Variants in PDGFC observed in about 807,000 individuals in gnomAD.
PDGFC encodes platelet-derived growth factor C.
A neutral mutation model predicts 35.5 loss-of-function variants in PDGFC; 12 were observed. The observed-to-expected ratio is 0.34, with a 90% confidence interval of 0.22 to 0.55. The LOEUF (loss-of-function observed/expected upper bound fraction) is 0.55, where lower values mean the gene tolerates loss of function less well. Among genes scored for constraint, PDGFC ranks in the 20% least tolerant of loss-of-function variants. The pLI is 0.91. For synonymous variants in PDGFC, 159 were observed against 148.8 expected (o/e 1.07, Z -0.50); for missense variants, 322 against 412.4 (o/e 0.78, Z 1.90).
chr4:156,955,682 C>T (rs1318062671), intron 1 of PDGFC, among the ~76,000 whole-genome samples: 2 of 151,896 alleles, frequency 1.3e-5, no homozygotes, highest in African/African-American at 4.8e-5. Context: ...AAAAGACACA[C>T]CCTTATTATT....
intron 3 of PDGFC, among the ~76,000 whole-genome samples, chr4:156,805,431 G>A (rs754724976): frequency 1.9e-4 from 29 of 151,884 alleles, no homozygotes; most frequent in Non-Finnish European, 3.7e-4. Context: ...TCAAATAAAT[G>A]TCGACTTATT....
At chr4:156,824,305 TATATATATATATATATATATATACACAC>T (rs1182877266) in intron 2 of PDGFC, among the ~76,000 whole-genome samples, 3 of 38,968 alleles carry the variant, frequency 7.7e-5, no homozygotes, top group African/African-American at 3.0e-4. Context: ...TATATATATA[TATATATATATATATATATATATACACAC>T]ACACACACAC....
chr4:156,827,649 C>T (rs1182898422), intron 2 of PDGFC, among the ~76,000 whole-genome samples: 1 of 151,738 alleles, frequency 6.6e-6, no homozygotes, highest in African/African-American at 2.4e-5. Flanking sequence ...AACAAAATCA[C>T]ATTTAGTTAG....
At chr4:156,912,534 T>C (rs1017156995) in intron 1 of PDGFC, among the ~76,000 whole-genome samples, 2 of 152,102 alleles carry the variant, frequency 1.3e-5, no homozygotes, top group African/African-American at 4.8e-5. Context: ...TTCTTTCTAG[T>C]AGACAACAAA....
chr4:156,901,563 G>A (rs568090083), intron 1 of PDGFC, among the ~76,000 whole-genome samples: 2 of 152,064 alleles, frequency 1.3e-5, no homozygotes, highest in African/African-American at 4.8e-5. Context: ...TAGCGAGAGA[G>A]AGAGAGCAGG....
intron 1 of PDGFC, among the ~76,000 whole-genome samples, chr4:156,924,484 G>A (rs757796750): frequency 6.6e-6 from 1 of 152,204 alleles, no homozygotes; most frequent in Non-Finnish European, 1.5e-5. Flanking sequence ...GAGCCATGCA[G>A]AGAATTAAAA....
intron 1 of PDGFC, among the ~76,000 whole-genome samples, chr4:156,877,419 C>G (rs1369496423): frequency 2.6e-5 from 4 of 151,882 alleles, no homozygotes; most frequent in Admixed American, 2.6e-4. Context: ...TTCAAATGAC[C>G]ATAACTAAAT....
At chr4:156,906,300 A>G (rs767410316) in intron 1 of PDGFC, among the ~76,000 whole-genome samples, 35 of 152,100 alleles carry the variant, frequency 2.3e-4, no homozygotes, top group Non-Finnish European at 4.1e-4. Context: ...TTCCATTTCA[A>G]TTATATCCAT....
intron 1 of PDGFC, among the ~76,000 whole-genome samples, chr4:156,850,918 A>G (rs1471275774): frequency 6.6e-6 from 1 of 152,198 alleles, no homozygotes; most frequent in African/African-American, 2.4e-5. Context: ...AGATATTTGA[A>G]GAAAGTGAAA....
chr4:156,826,311 G>GC (rs1034427201), intron 2 of PDGFC, among the ~76,000 whole-genome samples: 2 of 142,368 alleles, frequency 1.4e-5, no homozygotes, highest in Non-Finnish European at 3.0e-5. Flanking sequence ...TCCTGCCTCA[G>GC]CCTCCTGAGT....
chr4:156,944,309 A>C (rs192200987), intron 1 of PDGFC, among the ~76,000 whole-genome samples: 1 of 152,228 alleles, frequency 6.6e-6, no homozygotes, highest in Admixed American at 6.5e-5. Context: ...AGCTATATTT[A>C]TCACTAAATG....
At chr4:156,922,191 T>TGTGC (rs1009937719) in intron 1 of PDGFC, among the ~76,000 whole-genome samples, 1 of 149,104 alleles carries the variant, frequency 6.7e-6, no homozygotes, top group African/African-American at 2.5e-5. Context: ...TGTGTGTGTG[T>TGTGC]GCATCTGTGT....
At chr4:156,853,778 A>C (rs1286241795) in intron 1 of PDGFC, among the ~76,000 whole-genome samples, 1 of 152,118 alleles carries the variant, frequency 6.6e-6, no homozygotes, top group Non-Finnish European at 1.5e-5. Flanking sequence ...CTTGGGCAAC[A>C]TGGTGAAACC....
At chr4:156,804,661 G>A (rs1456656061) in intron 3 of PDGFC, among the ~76,000 whole-genome samples, 1 of 151,818 alleles carries the variant, frequency 6.6e-6, no homozygotes, top group Non-Finnish European at 1.5e-5. Flanking sequence ...ATACATCTTT[G>A]AATCTTCTCA....
chr4:156,817,695 TATC>T (rs147815512), intron 2 of PDGFC, among the ~76,000 whole-genome samples: 9,469 of 152,130 alleles, frequency 0.062, 380 homozygotes, highest in Middle Eastern at 0.11. Flanking sequence ...TAAAAGAACA[TATC>T]ATTCCAATTT....
intron 2 of PDGFC, among the ~76,000 whole-genome samples, chr4:156,834,268 A>G (rs1729011030): frequency 6.6e-6 from 1 of 152,120 alleles, no homozygotes; most frequent in African/African-American, 2.4e-5. Flanking sequence ...AACTATTATA[A>G]TCACTTTTTT....
At chr4:156,963,385 A>G (rs1732387406) in intron 1 of PDGFC, among the ~76,000 whole-genome samples, 1 of 151,950 alleles carries the variant, frequency 6.6e-6, no homozygotes, top group South Asian at 2.1e-4. Flanking sequence ...AGGGAACATC[A>G]CCTGAGCCTG....
rs531398502 is a variant in PDGFC, at chr4:156,912,897, A to C, written c.118+57889T>G. Among the ~76,000 whole-genome samples, 3 of 152,262 alleles carry C rather than the reference A, an allele frequency of 2.0e-5. No homozygotes were observed. In the South Asian group the frequency reaches 6.2e-4, roughly 32 times the overall value. On this transcript the variant is annotated intron_variant, in intron 1 of 5. Transcript: ENST00000502773. ...CTGCTAAAATAGCTGGAGGGATTAAAAAAATCTTTTAAGAGGTATCTTTCC... is the reference window on the plus strand; with the variant it reads ...CTGCTAAAATAGCTGGAGGGATTAACAAAATCTTTTAAGAGGTATCTTTCC...
chr4:156,907,078 T>C (rs1363055076), intron 1 of PDGFC, among the ~76,000 whole-genome samples: 2 of 152,158 alleles, frequency 1.3e-5, no homozygotes, highest in East Asian at 3.9e-4. Context: ...ACTCAGAACA[T>C]GTAAATACTT....
Sources: gnomAD v4.1 joint callset for allele counts (sites outside exome capture counted in the v4.1 genomes callset) on GRCh38, gnomAD v4.1.1 for gene constraint, MANE v1.5 for transcripts, NCBI Gene and HGNC (gene_info 2026-07-23, HGNC 2026-07-21) for gene names.